Variants in PLCE1 observed in about 807,000 individuals in gnomAD.
The protein encoded by PLCE1 is 1-phosphatidylinositol 4,5-bisphosphate phosphodiesterase epsilon-1.
Under a neutral mutation model 242.8 loss-of-function variants are expected in PLCE1, and 119 were observed. The ratio of observed to expected loss-of-function variants is 0.49; its 90% CI spans 0.42 to 0.57. PLCE1 has a LOEUF of 0.57. Ranked by LOEUF, PLCE1 falls within the 20% of genes least tolerant of loss-of-function variation. The probability of loss-of-function intolerance (pLI) is 0.00; values close to 1 mark genes in which losing one functional copy is unlikely to be tolerated. For synonymous variants in PLCE1, 945 were observed against 1,017.4 expected, an observed-to-expected ratio of 0.93 and a Z score of 1.35; for missense variants, 2,441 against 2,788.8, an observed-to-expected ratio of 0.88 and a Z score of 2.81.
intron 8 of PLCE1, among the ~76,000 whole-genome samples, chr10:94,248,149 C>A (rs1245137265): frequency 6.6e-6 from 1 of 151,910 alleles, no homozygotes; most frequent in South Asian, 2.1e-4. Context: ...AATGCCCCTT[C>A]TTTCTTCTTT....
intron 16 of PLCE1, among the ~76,000 whole-genome samples, chr10:94,267,856 T>C (rs1158935730): frequency 6.6e-6 from 1 of 152,190 alleles, no homozygotes; most frequent in Non-Finnish European, 1.5e-5. Flanking sequence ...ATAGGAAGAA[T>C]ATAGCACTTA....
intron 4 of PLCE1, among the ~76,000 whole-genome samples, chr10:94,208,198 G>A (rs1022629722): frequency 1.1e-4 from 17 of 152,188 alleles, no homozygotes; most frequent in Admixed American, 6.5e-4. Context: ...AACCTGACCA[G>A]GTGATCAAGA....
At chr10:94,126,583 G>A (rs1267256905) in intron 2 of PLCE1, among the ~76,000 whole-genome samples, 2 of 152,178 alleles carry the variant, frequency 1.3e-5, no homozygotes, top group African/African-American at 4.8e-5. Flanking sequence ...TCACATAGCT[G>A]TCTAGCAAGT....
intron 2 of PLCE1, among the ~76,000 whole-genome samples, chr10:94,072,617 G>A (rs930266865): frequency 6.6e-6 from 1 of 152,084 alleles, no homozygotes; most frequent in Non-Finnish European, 1.5e-5. Context: ...CTATACAGAC[G>A]AAAGCATAGG....
At chr10:94,310,292 C>T (rs2053346391) in intron 27 of PLCE1, among the ~76,000 whole-genome samples, 2 of 152,206 alleles carry the variant, frequency 1.3e-5, no homozygotes, top group Admixed American at 1.3e-4. Context: ...TCACCACTAT[C>T]AGTTTTGACT....
At chr10:94,323,953 C>T (rs1001579370) in intron 30 of PLCE1, among the ~76,000 whole-genome samples, 1 of 152,188 alleles carries the variant, frequency 6.6e-6, no homozygotes, top group African/African-American at 2.4e-5. Context: ...GGGACAGAGA[C>T]GCTCCTGAAG....
chr10:94,192,518 T>C, intron 4 of PLCE1, among the ~76,000 whole-genome samples: 1 of 152,236 alleles, frequency 6.6e-6, no homozygotes, highest in Non-Finnish European at 1.5e-5. Context: ...GCAGAGGACA[T>C]GATTTCATTC....
intron 4 of PLCE1, among the ~76,000 whole-genome samples, chr10:94,219,929 T>C (rs930115164): frequency 1.4e-4 from 22 of 152,114 alleles, no homozygotes; most frequent in African/African-American, 5.3e-4. Flanking sequence ...CTGAAAAAGC[T>C]ACCTTTGGGT....
intron 3 of PLCE1, among the ~76,000 whole-genome samples, chr10:94,166,854 G>A (rs2047822264): frequency 1.3e-5 from 2 of 152,166 alleles, no homozygotes; most frequent in South Asian, 4.1e-4. Flanking sequence ...GCTAATAAAT[G>A]GTGAGGACTA....
intron 3 of PLCE1, among the ~76,000 whole-genome samples, chr10:94,163,593 G>A (rs1447468887): frequency 2.6e-5 from 4 of 151,938 alleles, no homozygotes; most frequent in Admixed American, 1.3e-4. Context: ...ACACTGATGG[G>A]TCTTGACTCT....
At chr10:94,216,021 G>C (rs2049513771) in intron 4 of PLCE1, among the ~76,000 whole-genome samples, 1 of 152,200 alleles carries the variant, frequency 6.6e-6, no homozygotes, top group Non-Finnish European at 1.5e-5. Context: ...GGGCCGGCCT[G>C]CCTGGGTTGG....
chr10:94,238,686 TG>T (rs1343246839), intron 7 of PLCE1, among the ~76,000 whole-genome samples: 16 of 152,178 alleles, frequency 1.1e-4, no homozygotes, highest in Non-Finnish European at 1.5e-5. Context: ...TATAGAGGCA[TG>T]GAGACCTAAG....
At chr10:94,311,011 T>C (rs2053369750) in intron 27 of PLCE1, among the ~76,000 whole-genome samples, 1 of 152,042 alleles carries the variant, frequency 6.6e-6, no homozygotes, top group Non-Finnish European at 1.5e-5. Context: ...CTCACAAGAG[T>C]GCTTTGCTTA....
Position 94,247,756 on chromosome 10 carries a change from A to G in PLCE1, c.3096+1135A>G, listed in dbSNP as rs538417000. Among the ~76,000 whole-genome samples, 8 of 152,310 alleles carry G rather than the reference A, an allele frequency of 5.3e-5. No homozygotes were observed. In the South Asian group the frequency reaches 1.7e-3, roughly 32 times the overall value. On this transcript the variant is annotated intron_variant, in intron 8 of 32. Coordinates refer to ENST00000371380, the MANE Select transcript of PLCE1 (RefSeq NM_016341.4). ...ACATTGAGTGAATTAGTCTTTCATT[A>G]ACCCTACGTTATCAGGTACTCTAAC...
At chr10:94,165,132 G>T (rs201722802) in intron 3 of PLCE1, among the ~76,000 whole-genome samples, 1 of 152,176 alleles carries the variant, frequency 6.6e-6, no homozygotes, top group African/African-American at 2.4e-5. Flanking sequence ...CTCCAGCTGC[G>T]TGCTGGGAGA....
intron 23 of PLCE1, among the ~76,000 whole-genome samples, chr10:94,294,642 C>T (rs763074008): frequency 1.1e-4 from 16 of 152,128 alleles, no homozygotes; most frequent in African/African-American, 3.9e-4. Flanking sequence ...AATGTACATA[C>T]CTTCAATAGA....
chr10:94,230,370 G>T (rs530984216), intron 5 of PLCE1, among the ~76,000 whole-genome samples: 15 of 152,182 alleles, frequency 9.9e-5, no homozygotes, highest in African/African-American at 3.4e-4. Flanking sequence ...TGTCGCCCAG[G>T]CTGGAGTGCA....
chr10:94,183,979 T>C (rs1297006092), intron 4 of PLCE1, among the ~76,000 whole-genome samples: 2 of 152,182 alleles, frequency 1.3e-5, no homozygotes, highest in Non-Finnish European at 2.9e-5. Flanking sequence ...GGGGATCACA[T>C]TTCAACATGA....
chr10:94,111,051 C>A (rs1360443767), intron 2 of PLCE1, among the ~76,000 whole-genome samples: 1 of 152,146 alleles, frequency 6.6e-6, no homozygotes, highest in African/African-American at 2.4e-5. Context: ...AACTGCTGTT[C>A]TAGAATCATG....
Sources: allele counts gnomAD v4.1 joint callset (sites outside exome capture counted in the v4.1 genomes callset), GRCh38; gene constraint gnomAD v4.1.1; transcripts MANE v1.5; gene names NCBI Gene and HGNC (gene_info 2026-07-23, HGNC 2026-07-21).